NFATC2: variants seen among roughly 807,000 people sequenced by gnomAD.
NFATC2 encodes the protein nuclear factor of activated T-cells, cytoplasmic 2.
A neutral mutation model predicts 87.3 loss-of-function variants in NFATC2; 22 were observed. The observed-to-expected ratio is 0.25, with a 90% CI of 0.18 to 0.36. The LOEUF (loss-of-function observed/expected upper bound fraction) is 0.36. Among genes scored for constraint, NFATC2 ranks in the 10% least tolerant of loss-of-function variants. NFATC2 has a pLI of 1.00. For synonymous variants in NFATC2, 565 were observed against 542.2 expected, an observed-to-expected ratio of 1.04 and a Z score of -0.58; for missense variants, 1,149 against 1,259.1, an observed-to-expected ratio of 0.91 and a Z score of 1.32.
intron 9 of NFATC2, among the ~76,000 whole-genome samples, chr20:51,419,216 G>T (rs1353036562): frequency 1.3e-5 from 2 of 152,118 alleles, no homozygotes; most frequent in African/African-American, 2.4e-5. Context: ...TATCTATCCT[G>T]CACAAAGACC....
intron 9 of NFATC2, among the ~76,000 whole-genome samples, chr20:51,429,231 T>C (rs1982318971): frequency 2.0e-5 from 3 of 152,200 alleles, no homozygotes; most frequent in East Asian, 3.8e-4. Flanking sequence ...TCTTGGTGGC[T>C]ACGGTGGAGA....
intron 9 of NFATC2, among the ~76,000 whole-genome samples, chr20:51,400,687 G>A (rs532284904): frequency 8.5e-5 from 13 of 152,218 alleles, no homozygotes; most frequent in South Asian, 6.2e-4. Context: ...AAATCAACTC[G>A]GGACCAGGCC....
At chr20:51,396,146 G>T (rs574308807) in intron 10 of NFATC2, among the ~76,000 whole-genome samples, 2 of 147,872 alleles carry the variant, frequency 1.4e-5, no homozygotes, top group African/African-American at 5.0e-5. Context: ...TGCTTTTTGA[G>T]GGTGGCAATC....
upstream of NFATC2, among the ~76,000 whole-genome samples, chr20:51,543,279 C>T (rs570289517): frequency 6.6e-6 from 1 of 152,358 alleles, no homozygotes; most frequent in East Asian, 1.9e-4. Context: ...AGGTGCTGGG[C>T]ACCCAGCCGG....
intron 9 of NFATC2, among the ~76,000 whole-genome samples, chr20:51,415,067 A>G (rs900304526): frequency 2.0e-5 from 3 of 151,906 alleles, no homozygotes; most frequent in African/African-American, 7.3e-5. Flanking sequence ...CCTGGGCAAC[A>G]TAGTGAGACC....
intron 3 of NFATC2, among the ~76,000 whole-genome samples, chr20:51,502,629 C>T (rs1193372090): frequency 2.6e-5 from 4 of 152,100 alleles, no homozygotes; most frequent in Non-Finnish European, 5.9e-5. Flanking sequence ...AGCCACCATG[C>T]CTGGCCCTGC....
chr20:51,408,439 A>G (rs1189055002), intron 9 of NFATC2, among the ~76,000 whole-genome samples: 3 of 144,896 alleles, frequency 2.1e-5, no homozygotes, highest in African/African-American at 5.4e-5. Flanking sequence ...CCATGAACCC[A>G]GGAGGCGTAG....
intron 6 of NFATC2, among the ~76,000 whole-genome samples, chr20:51,449,383 C>T (rs948273111): frequency 6.6e-6 from 1 of 152,128 alleles, no homozygotes; most frequent in East Asian, 1.9e-4. Context: ...CCAGACATCC[C>T]CCGCAGAGAA....
Position 51,542,424 on chromosome 20 carries a change from C to T in NFATC2, c.76G>A (p.Asp26Asn), listed in dbSNP as rs1238185945. 1 of 1,602,930 alleles carries T rather than the reference C, an allele frequency of 6.2e-7. No individual in the cohort carries two copies. Among genetic ancestry groups the T allele is most frequent in the Non-Finnish European group, 8.5e-7 (1 of 1,175,090 alleles). The change falls in exon 1 of 11, where the codon GAC becomes AAC. Residue 26 changes from aspartate to asparagine, a missense_variant. Coordinates refer to ENST00000371564, the MANE Select transcript of NFATC2 (RefSeq NM_012340.5). ...PGHEPGGSPQ[D>N]ELDFSILFDY... ...AAGAGGATGGAGAAGTCAAGCTCGTCTTGGGGGCTGCCCCCAGGCTCGTGG... is the reference window on the plus strand; with the variant it reads ...AAGAGGATGGAGAAGTCAAGCTCGTTTTGGGGGCTGCCCCCAGGCTCGTGG...
chr20:51,511,174 G>A (rs1015512384), intron 3 of NFATC2, among the ~76,000 whole-genome samples: 2 of 152,298 alleles, frequency 1.3e-5, no homozygotes, highest in Admixed American at 6.5e-5. Flanking sequence ...CTCACATGCC[G>A]CTCTGCCCTA....
intron 10 of NFATC2, among the ~76,000 whole-genome samples, chr20:51,396,927 CT>C (rs367640265): frequency 2.0e-5 from 3 of 151,194 alleles, no homozygotes; most frequent in Admixed American, 6.6e-5. Flanking sequence ...TCCCCTGTGC[CT>C]TTTTTTTTGA....
intron 3 of NFATC2, among the ~76,000 whole-genome samples, chr20:51,510,027 T>C (rs879727804): frequency 9.8e-5 from 15 of 152,346 alleles, no homozygotes; most frequent in Non-Finnish European, 2.2e-4. Flanking sequence ...TCCACATGTC[T>C]GAACATCTGC....
At chr20:51,475,114 G>A (rs910665708) in intron 4 of NFATC2, among the ~76,000 whole-genome samples, 11 of 151,336 alleles carry the variant, frequency 7.3e-5, no homozygotes, top group South Asian at 4.2e-4. Flanking sequence ...GATTACAGGC[G>A]CCCGCCACCA....
Position 51,432,157 on chromosome 20 carries a change from C to T in NFATC2, c.2632G>A (p.Gly878Arg). The T allele has an allele frequency of 5.6e-6, 9 of 1,601,496 alleles. No individual in the cohort carries two copies. The highest frequency in any genetic ancestry group is 2.2e-5 in the East Asian group (1 of 44,620). Residue 878 changes from glycine to arginine, a missense_variant, in exon 9 of 11, where the codon GGA becomes AGA. This residue lies in a region of NFATC2 where 581 missense variants were observed against 649.7 expected (regional missense o/e 0.89). Coordinates refer to ENST00000371564, the MANE Select transcript of NFATC2 (RefSeq NM_012340.5). The surrounding 1 kb of genome is among the most constrained non-coding windows in gnomAD (Gnocchi z 4.6). ...TCCTTTTGGTCACTGACCGGGGGTC[C>T]GTTTTTGGCGGCTCTTTGGCTCGTG... ...NATSQRAAKN[G>R]PPVSDQKEVL...
At chr20:51,408,609 T>C (rs533654288) in intron 9 of NFATC2, among the ~76,000 whole-genome samples, 90 of 151,390 alleles carry the variant, frequency 5.9e-4, no homozygotes, top group Non-Finnish European at 1.2e-3. Flanking sequence ...TCTGAATAGA[T>C]GGTTGGTGAT....
rs1568953863 is a variant in NFATC2 at position 51,422,568 on chromosome 20, T to TG, written c.2722+9498_2722+9499insC. Among the ~76,000 whole-genome samples the TG allele has an allele frequency of 3.2e-4, 15 of 47,538 alleles. No individual in the cohort carries two copies. The East Asian group carries it at 9.0e-3, about 28-fold the overall frequency. 31.2% of individuals were successfully genotyped at this position (47,538 alleles called of 152,430 possible). A position where few individuals can be genotyped will look rare whatever the true frequency, so the allele number is the denominator to read the frequency against. Reference sequence around the variant, plus strand: ...CATCATTCCCCAGGAAGAAAACCCCTCTTTTTTTTTTTTTTTTCTGAAAGG... The same window carrying TG: ...CATCATTCCCCAGGAAGAAAACCCCTGCTTTTTTTTTTTTTTTTCTGAAAGG... On this transcript the variant is annotated intron_variant, in intron 9 of 10. Coordinates refer to ENST00000371564, the MANE Select transcript of NFATC2 (RefSeq NM_012340.5).
intron 2 of NFATC2, among the ~76,000 whole-genome samples, chr20:51,522,597 A>T (rs1465993611): frequency 2.7e-5 from 4 of 146,294 alleles, no homozygotes; most frequent in Non-Finnish European, 6.0e-5. Context: ...TAGGTCCTCC[A>T]TATAACTGCG....
intron 5 of NFATC2, among the ~76,000 whole-genome samples, chr20:51,469,326 T>C (rs1987987762): frequency 6.6e-6 from 1 of 152,200 alleles, no homozygotes; most frequent in African/African-American, 2.4e-5. Flanking sequence ...TGGGCATCAG[T>C]ATTTTTTAAT....
At chr20:51,464,473 C>G (rs1475976818) in intron 5 of NFATC2, among the ~76,000 whole-genome samples, 1 of 152,242 alleles carries the variant, frequency 6.6e-6, no homozygotes, top group Non-Finnish European at 1.5e-5. Context: ...AGCCCACATT[C>G]CTAACCGCCA....
Sources: allele counts gnomAD v4.1 joint callset (sites outside exome capture counted in the v4.1 genomes callset), GRCh38; gene constraint gnomAD v4.1.1; regional missense constraint gnomAD v4.1.1; non-coding constraint Gnocchi (gnomAD v3.1); transcripts MANE v1.5; gene names NCBI Gene and HGNC (gene_info 2026-07-23, HGNC 2026-07-21).